RGMA: variants seen among roughly 807,000 people sequenced by gnomAD.
RGMA encodes repulsive guidance molecule A.
RGMA carries 10 observed loss-of-function variants against 23.2 expected under a neutral mutation model. The ratio of observed to expected loss-of-function variants is 0.43; its 90% CI spans 0.27 to 0.73. The LOEUF (loss-of-function observed/expected upper bound fraction) is 0.73. RGMA is among the 30% of genes least tolerant of loss of function. RGMA has a pLI of 0.20. For missense variants in RGMA, 547 were observed against 630.5 expected (o/e 0.87, Z 1.42); for synonymous variants, 308 against 279.3 (o/e 1.10, Z -1.03).
At chr15:93,073,753 C>T (rs750511264) in intron 1 of RGMA, 3 of 1,537,036 alleles carry the variant, frequency 2.0e-6, no homozygotes, top group South Asian at 1.2e-5. Context: ...CCCAGGCCAC[C>T]CATCCTGACT....
At chr15:93,049,092 C>CT (rs200956014) in intron 3 of RGMA, among the ~76,000 whole-genome samples, 1,795 of 152,360 alleles carry the variant, frequency 0.012, 37 homozygotes, top group African/African-American at 0.04. Flanking sequence ...CTGTCGAAAG[C>CT]TGGCGGCTCG....
rs141651609 is a variant in RGMA at position 93,054,821 on chromosome 15, C to T, written c.131-2314G>A. Among the ~76,000 whole-genome samples, 38 of 152,294 alleles carry T rather than the reference C, an allele frequency of 2.5e-4. No homozygotes were observed. In the East Asian group the frequency reaches 6.2e-3, roughly 25 times the overall value. On this transcript the variant is annotated intron_variant, in intron 2 of 3. Transcript: ENST00000329082. ...AGGAGAGGTCTCCCTCCCAAGGCAA[C>T]GAGAAGATTCTCTTGCCCTGCTGTC...
At chr15:93,056,511 C>T (rs536263558) in intron 2 of RGMA, among the ~76,000 whole-genome samples, 20 of 152,288 alleles carry the variant, frequency 1.3e-4, no homozygotes, top group African/African-American at 3.6e-4. Context: ...ACCCAGCAGG[C>T]GTAGCTGTCT....
intron 3 of RGMA, among the ~76,000 whole-genome samples, chr15:93,047,168 G>C (rs2054837115): frequency 6.6e-6 from 1 of 152,054 alleles, no homozygotes; most frequent in Admixed American, 6.5e-5. Context: ...GGCCTGAGAG[G>C]AGGAGGGCCG....
intron 1 of RGMA, among the ~76,000 whole-genome samples, chr15:93,087,160 A>T (rs1170893550): frequency 1.3e-5 from 2 of 152,212 alleles, no homozygotes; most frequent in African/African-American, 4.8e-5. Flanking sequence ...CAGCCCAGAG[A>T]GTCTCAAGGG....
chr15:93,075,307 A>G (rs974499199), intron 1 of RGMA, among the ~76,000 whole-genome samples: 11 of 152,316 alleles, frequency 7.2e-5, no homozygotes, highest in African/African-American at 2.6e-4. Context: ...TATTTTAAGT[A>G]TTGTTAATAT....
At chr15:93,071,278 T>A (rs996327614) in intron 2 of RGMA, among the ~76,000 whole-genome samples, 2 of 152,284 alleles carry the variant, frequency 1.3e-5, no homozygotes, top group African/African-American at 4.8e-5. Flanking sequence ...GGGTGATTTT[T>A]ATTTTAATTT....
intron 2 of RGMA, among the ~76,000 whole-genome samples, chr15:93,064,722 A>T (rs938183988): frequency 1.3e-5 from 2 of 152,112 alleles, no homozygotes; most frequent in African/African-American, 4.8e-5. Flanking sequence ...CATAAGCAAA[A>T]CCCAACAGAC....
chr15:93,085,164 G>T (rs543993525), intron 1 of RGMA, among the ~76,000 whole-genome samples: 1 of 152,120 alleles, frequency 6.6e-6, no homozygotes, highest in African/African-American at 2.4e-5. Flanking sequence ...AGAGCAAACT[G>T]TTCCTGTCAG....
intron 1 of RGMA, among the ~76,000 whole-genome samples, chr15:93,082,282 C>G (rs1384024476): frequency 6.6e-6 from 1 of 152,166 alleles, no homozygotes; most frequent in Admixed American, 6.5e-5. Flanking sequence ...CAAGGACTCA[C>G]GGATAACCTT....
chr15:93,057,472 G>C (rs1029058169), intron 2 of RGMA, among the ~76,000 whole-genome samples: 5 of 152,198 alleles, frequency 3.3e-5, no homozygotes, highest in Admixed American at 2.0e-4. Flanking sequence ...TCCACAGTCT[G>C]AGAGCCGGGA....
At chr15:93,052,679 T>C (rs1208491666) in intron 2 of RGMA, among the ~76,000 whole-genome samples, 172 bp from the exon 3 acceptor site, 1 of 152,192 alleles carries the variant, frequency 6.6e-6, no homozygotes, top group Admixed American at 6.5e-5. Context: ...GGGGTCCTTC[T>C]ACCCAGCCTA....
intron 3 of RGMA, among the ~76,000 whole-genome samples, chr15:93,047,236 T>C (rs985822082): frequency 6.6e-6 from 1 of 152,204 alleles, no homozygotes; most frequent in Non-Finnish European, 1.5e-5. Flanking sequence ...GGCGTCTGGC[T>C]GTTCTTTCCT....
chr15:93,088,899 G>A lies in RGMA; in HGVS notation c.14+20C>T. 5 of 1,480,696 alleles carry A rather than the reference G, an allele frequency of 3.4e-6. No homozygotes were observed. The highest frequency in any genetic ancestry group is 2.0e-4 in the Middle Eastern group (1 of 4,960). The allele number at this position is 1,480,696 out of a possible 1,614,324, so 91.7% of individuals were successfully genotyped here. ...GGAGATGTCAGAGCCGGGTCTGCCC[G>A]GCTCCCGACCCGCGCTTACCTTGGC... On this transcript the variant is annotated intron_variant, in intron 1 of 3. Coordinates refer to ENST00000329082, the MANE Select transcript of RGMA (RefSeq NM_020211.3).
chr15:93,072,889 C>CA, intron 2 of RGMA, 27 bp downstream of exon 2: 1 of 1,582,578 alleles, frequency 6.3e-7, no homozygotes. Flanking sequence ...GGACCCGGCC[C>CA]CGCGCGCCCG....
chr15:93,058,145 GA>G (rs2055043985), intron 2 of RGMA, among the ~76,000 whole-genome samples: 1 of 152,182 alleles, frequency 6.6e-6, no homozygotes, highest in African/African-American at 2.4e-5. Flanking sequence ...TCCTATATGA[GA>G]AAGAAAAATA....
chr15:93,057,348 C>G (rs376082558), intron 2 of RGMA, among the ~76,000 whole-genome samples: 2 of 152,104 alleles, frequency 1.3e-5, no homozygotes, highest in African/African-American at 4.8e-5. Context: ...GAGAGTGGAG[C>G]CCCCACGACA....
chr15:93,052,208 T>G lies in RGMA; in HGVS notation c.430A>C (p.Ile144Leu). 6.2e-7 allele frequency: 1 copy of G among 1,610,042 alleles called. No homozygotes were observed. The highest frequency in any genetic ancestry group is 8.5e-7 in the Non-Finnish European group (1 of 1,177,008). ...TGAAAGCTCTTCTCGTAATGGCAGA[T>G]CTCGGGGCTGTCCGAGCGCTCCTGG... is the stretch of plus-strand genomic sequence containing the variant. ...DSQERSDSPE[I>L]CHYEKSFHKH... The change falls in exon 3 of 4, where the codon ATC becomes CTC. Residue 144 changes from isoleucine to leucine, a missense_variant. This residue lies in a region of RGMA where 214 missense variants were observed against 234.7 expected (regional missense o/e 0.91). Coordinates refer to ENST00000329082, the MANE Select transcript of RGMA (RefSeq NM_020211.3).
chr15:93,045,027 G>C lies in RGMA; in HGVS notation c.1324C>G (p.Leu442Val). ...CAGAACACAGGGAGCAGGGCCAGGA[G>C]CGGGACGAGGGCGCCCAGGAGGGGC... ...PRPLLGALVP[L>V]LALLPVFC Residue 442 changes from leucine (L) to valine (V), a missense_variant, in exon 4 of 4, where the codon CTC becomes GTC. Transcript: ENST00000329082. This position sits in a 1 kb window ranked among gnomAD's most constrained non-coding sequence, Gnocchi z 6.9. 6.2e-7 allele frequency: 1 copy of C among 1,600,732 alleles called. No homozygotes were observed. Among genetic ancestry groups the C allele is most frequent in the Non-Finnish European group, 8.5e-7 (1 of 1,174,068 alleles).
Sources: allele counts gnomAD v4.1 joint callset (sites outside exome capture counted in the v4.1 genomes callset), GRCh38; gene constraint gnomAD v4.1.1; regional missense constraint gnomAD v4.1.1; non-coding constraint Gnocchi (gnomAD v3.1); transcripts MANE v1.5; gene names NCBI Gene and HGNC (gene_info 2026-07-23, HGNC 2026-07-21).